NREP: variants seen among roughly 807,000 people sequenced by gnomAD.
The protein encoded by NREP is neuronal regeneration related protein, also known as neuronal regeneration-related protein.
Under a neutral mutation model 8.6 loss-of-function variants are expected in NREP, and 5 were observed. The observed-to-expected ratio is 0.58, with a 90% confidence interval of 0.30 to 1.22. The LOEUF is 1.22. Ranked by LOEUF, NREP falls within the 50% of genes most tolerant of loss-of-function variation. NREP has a pLI of 0.07. For missense variants in NREP, 86 were observed against 82.5 expected (o/e 1.04, Z -0.17); for synonymous variants, 27 against 28.0 (o/e 0.96, Z 0.11).
intron 2 of NREP, among the ~76,000 whole-genome samples, chr5:111,964,880 A>T (rs939484104): frequency 7.5e-4 from 104 of 139,562 alleles, no homozygotes; most frequent in Middle Eastern, 3.5e-3. Flanking sequence ...AAAAAAAAAA[A>T]AAAAAAAAAA....
At position 111,779,709 on chromosome 5, in the gene NREP, T is replaced by C. The variant is rs143383827; in HGVS notation, c.136-44202A>G. 5.7e-3 allele frequency among the ~76,000 whole-genome samples: 871 copies of C among 152,274 alleles called. 8 individuals are homozygous for C. The highest frequency in any genetic ancestry group is 0.02 in the African/African-American group (831 of 41,550). ...GACTATTCAGAGAGTATATCTTTCA[T>C]ATTTAGATGTTTCTATAAAGGCTTC... On this transcript the variant is annotated intron_variant, in intron 2 of 3. Coordinates refer to the NREP transcript ENST00000395634.
chr5:111,970,698 C>T (rs1356700704), intron 2 of NREP, among the ~76,000 whole-genome samples: 16 of 151,874 alleles, frequency 1.1e-4, no homozygotes, highest in African/African-American at 3.6e-4. Context: ...TGGTGGCATG[C>T]GCCTGTAAGC....
At chr5:111,905,642 G>A (rs137946440) in intron 2 of NREP, among the ~76,000 whole-genome samples, 6 of 151,936 alleles carry the variant, frequency 3.9e-5, no homozygotes, top group East Asian at 3.9e-4. Flanking sequence ...AGTTCAAATC[G>A]AAAGAGAACT....
chr5:111,807,748 A>G (rs1182232392), intron 2 of NREP, among the ~76,000 whole-genome samples: 3 of 152,236 alleles, frequency 2.0e-5, no homozygotes, highest in Non-Finnish European at 2.9e-5. Context: ...AAATTTCCAC[A>G]GAAAATGTCT....
At chr5:111,825,298 T>C (rs1752597234) in intron 2 of NREP, among the ~76,000 whole-genome samples, 1 of 152,218 alleles carries the variant, frequency 6.6e-6, no homozygotes, top group Non-Finnish European at 1.5e-5. Context: ...AAGTGCTCAT[T>C]GTTTCTACCT....
chr5:111,906,274 A>G (rs1345900849), intron 2 of NREP, among the ~76,000 whole-genome samples: 1 of 152,092 alleles, frequency 6.6e-6, no homozygotes, highest in Non-Finnish European at 1.5e-5. Context: ...TTGTATTCTA[A>G]TACATGTGGT....
intron 2 of NREP, chr5:111,739,139 T>C (rs921419304): frequency 2.0e-5 from 3 of 152,246 alleles, no homozygotes; most frequent in African/African-American, 4.8e-5. Context: ...AAAAGAAATA[T>C]ATAGGTTAAG....
At chr5:111,866,514 T>C (rs1753667800) in intron 2 of NREP, among the ~76,000 whole-genome samples, 1 of 152,108 alleles carries the variant, frequency 6.6e-6, no homozygotes, top group African/African-American at 2.4e-5. Flanking sequence ...CTGGACAGGA[T>C]GTGGAGAAAG....
chr5:111,956,246 G>A (rs934750178), intron 2 of NREP, among the ~76,000 whole-genome samples: 1 of 152,068 alleles, frequency 6.6e-6, no homozygotes, highest in Admixed American at 6.5e-5. Flanking sequence ...CAGAACATAT[G>A]AGAATGTCTG....
rs1161637264 is a variant in NREP, at chr5:111,939,881, G to A, written c.135+35393C>T. ...TGAATCAATGATACATATTAAATAC[G>A]TTATCTTTAAAAAGAAACACATATA... On this transcript the variant is annotated intron_variant, in intron 2 of 3. Transcript: ENST00000395634. Among the ~76,000 whole-genome samples the A allele has an allele frequency of 5.3e-5, 8 of 151,926 alleles. No homozygotes were observed. In the East Asian group the frequency reaches 7.7e-4, roughly 15 times the overall value.
At position 111,755,832 on chromosome 5, in the gene NREP, T is replaced by C. The variant is rs911636323; in HGVS notation, c.-58-2A>G. The C allele has an allele frequency of 3.7e-5, 59 of 1,613,474 alleles. No homozygotes were observed. The highest frequency in any genetic ancestry group is 4.7e-5 in the Non-Finnish European group (56 of 1,179,638). On this transcript the variant is annotated splice_acceptor_variant, in intron 1 of 3. Transcript: ENST00000257435. LOFTEE classifies it low-confidence loss of function (5UTR_SPLICE). The stretch of plus-strand genomic sequence containing the variant: ...TCTCTTCAGTCCAGGGAGACCAACC[T>C]GCAAAATATGTTTAAATACAGTAGA...
chr5:111,872,127 T>TG (rs1270046470), intron 2 of NREP, among the ~76,000 whole-genome samples: 1 of 151,968 alleles, frequency 6.6e-6, no homozygotes, highest in Admixed American at 6.6e-5. Flanking sequence ...CAGGTGATTA[T>TG]GGGGGCTGCA....
chr5:111,892,541 T>TA (rs1326958163), intron 2 of NREP, among the ~76,000 whole-genome samples: 2 of 152,010 alleles, frequency 1.3e-5, no homozygotes, highest in Non-Finnish European at 2.9e-5. Flanking sequence ...TACTTAAATT[T>TA]AAAAAACTAA....
chr5:111,761,061 T>C (rs1750949559), upstream of NREP, among the ~76,000 whole-genome samples: 1 of 152,256 alleles, frequency 6.6e-6, no homozygotes, highest in African/African-American at 2.4e-5. Flanking sequence ...CAGCTCTATG[T>C]GGCCTTGGAT....
intron 2 of NREP, among the ~76,000 whole-genome samples, chr5:111,968,556 A>G (rs1345912998): frequency 1.3e-5 from 2 of 152,206 alleles, no homozygotes; most frequent in Non-Finnish European, 2.9e-5. Flanking sequence ...TTGGCTCTGT[A>G]TAAGGAGGAA....
upstream of NREP, chr5:111,758,054 G>A (rs1043294878): frequency 1.0e-6 from 1 of 985,574 alleles, no homozygotes; most frequent in South Asian, 4.7e-5. Context: ...GCGGCGCGGA[G>A]CCGCGCTCAG....
intron 3 of NREP, chr5:111,733,316 A>G (rs1748778408): frequency 6.6e-6 from 1 of 152,084 alleles, no homozygotes; most frequent in African/African-American, 2.4e-5. Context: ...TCATGAGGCA[A>G]TGGTAGTAGG....
chr5:111,945,073 T>C (rs1020439545), intron 2 of NREP, among the ~76,000 whole-genome samples: 3 of 152,082 alleles, frequency 2.0e-5, no homozygotes, highest in African/African-American at 4.8e-5. Context: ...GTAACAATTC[T>C]TCCTTGAAGG....
At chr5:111,953,196 C>T in intron 2 of NREP, among the ~76,000 whole-genome samples, 1 of 152,076 alleles carries the variant, frequency 6.6e-6, no homozygotes, top group South Asian at 2.1e-4. Context: ...ACCAATGCAT[C>T]ACCTTGCAGG....
Sources: gnomAD v4.1 joint callset for allele counts (sites outside exome capture counted in the v4.1 genomes callset) on GRCh38, gnomAD v4.1.1 for gene constraint, MANE v1.5 for transcripts, NCBI Gene and HGNC (gene_info 2026-07-23, HGNC 2026-07-21) for gene names.